The following EFHC1 variants were observed in gnomAD, a reference collection of about 807,000 sequenced individuals.
The protein encoded by EFHC1 is EF-hand domain-containing protein 1.
Under a neutral mutation model 69.9 loss-of-function variants are expected in EFHC1, and 53 were observed. That is an observed-to-expected ratio of 0.76 (90% CI 0.61 to 0.95). The LOEUF (loss-of-function observed/expected upper bound fraction) is 0.95, where lower values mean the gene tolerates loss of function less well. Among genes scored for constraint, EFHC1 ranks in the 40% least tolerant of loss-of-function variants. EFHC1 has a pLI of 0.00. For missense variants in EFHC1, 739 were observed against 798.7 expected (o/e 0.93, Z 0.90); for synonymous variants, 256 against 278.4 (o/e 0.92, Z 0.80).
At chr6:52,477,230 T>C (rs1765563402) in intron 7 of EFHC1, among the ~76,000 whole-genome samples, 1 of 152,114 alleles carries the variant, frequency 6.6e-6, no homozygotes, top group African/African-American at 2.4e-5. Flanking sequence ...ATTGTAGTTG[T>C]TTAACATTTA....
In EFHC1 at chr6:52,492,546, A is replaced by G. The variant is rs1765930609; in HGVS notation, c.*205A>G. On this transcript the variant is annotated 3_prime_UTR_variant, in exon 11 of 11. Transcript: ENST00000371068. ...TTATTTAGGGTGATAGGGGTATAGC[A>G]ATGTCTAATTTTGTGTGTCAAATTG... The G allele has an allele frequency of 8.8e-6, 6 of 684,878 alleles. No individual in the cohort carries two copies. The East Asian group carries it at 1.7e-4, about 19-fold the overall frequency. 42.4% of individuals were successfully genotyped at this position (684,878 alleles called of 1,614,324 possible).
In EFHC1 at chr6:52,495,543, A is replaced by G. The variant is rs1382346874; in HGVS notation, c.*3202A>G. On this transcript the variant is annotated 3_prime_UTR_variant, in exon 11 of 11. Transcript: ENST00000371068. ...CTCAGCCAAAATGGAGATTTAGGAA[A>G]GTCTCATTTAGCATCCTCTAGCCTG... 6.6e-6 allele frequency: 3 copies of G among 454,064 alleles called. No individual in the cohort carries two copies. Among genetic ancestry groups the G allele is most frequent in the Non-Finnish European group, 8.8e-6 (2 of 226,772 alleles). The allele number at this position is 454,064 out of a possible 1,614,324, so 28.1% of individuals were successfully genotyped here. A position where few individuals can be genotyped will look rare whatever the true frequency, so the allele number is the denominator to read the frequency against.
At chr6:52,480,165 C>T in intron 9 of EFHC1, 2 of 408,580 alleles carry the variant, frequency 4.9e-6, no homozygotes, top group South Asian at 6.4e-5. Context: ...GTATTGCATC[C>T]TGTATTCTTA....
In EFHC1 at chr6:52,479,093, T is replaced by C. The variant is rs767652099; in HGVS notation, c.1335T>C (p.Ala445=). ...GATTTGTCTTCTCTTACTTTCTAGC[T>C]ACCGACATGATCAGTATCTTTGAGC... is the stretch of plus-strand genomic sequence containing the variant. ...DRRFVFSYFL[A]TDMISIFEPP... is the part of the protein sequence containing the mutation. Residue 445 remains alanine (A), a synonymous_variant, in exon 8 of 11, where the codon GCT becomes GCC. Coordinates refer to ENST00000371068, the MANE Select transcript of EFHC1 (RefSeq NM_018100.4). The C allele has an allele frequency of 8.7e-6, 14 of 1,614,092 alleles. No individual in the cohort carries two copies. The African/African-American group carries it at 1.5e-4, about 17-fold the overall frequency.
chr6:52,431,632 TC>T (rs1764416082), intron 2 of EFHC1, among the ~76,000 whole-genome samples: 1 of 152,182 alleles, frequency 6.6e-6, no homozygotes, highest in African/African-American at 2.4e-5. Context: ...ATATGGTCTG[TC>T]TTGGAGAAAG....
intron 3 of EFHC1, among the ~76,000 whole-genome samples, chr6:52,451,011 G>GC (rs1328202098): frequency 1.3e-5 from 2 of 152,082 alleles, no homozygotes; most frequent in Non-Finnish European, 2.9e-5. Flanking sequence ...TGTTGGCCAG[G>GC]CTGGTCCTAA....
intron 3 of EFHC1, among the ~76,000 whole-genome samples, chr6:52,450,041 C>T (rs1422458996): frequency 1.3e-5 from 2 of 152,142 alleles, no homozygotes; most frequent in Admixed American, 1.3e-4. Flanking sequence ...TTCTTGATTT[C>T]TGCCTTAATT....
rs1368783528 is a variant in EFHC1, at chr6:52,494,501, T to A, written c.*2160T>A. 2 of 454,118 alleles carry A rather than the reference T, an allele frequency of 4.4e-6. No individual in the cohort carries two copies. The highest frequency in any genetic ancestry group is 3.1e-5 in the South Asian group (2 of 64,476). The allele number at this position is 454,118 out of a possible 1,614,324, so 28.1% of individuals were successfully genotyped here. A position where few individuals can be genotyped will look rare whatever the true frequency, so the allele number is the denominator to read the frequency against. On this transcript the variant is annotated 3_prime_UTR_variant, in exon 11 of 11. Coordinates refer to ENST00000371068, the MANE Select transcript of EFHC1 (RefSeq NM_018100.4). ...CCAGAGAAAAAGGGCAAAGTCTTAT[T>A]TCTGTGGCTAGTAATGTCGTAATGT...
intron 6 of EFHC1, among the ~76,000 whole-genome samples, chr6:52,467,737 T>C (rs940429533): frequency 2.0e-5 from 3 of 152,346 alleles, no homozygotes; most frequent in Admixed American, 6.5e-5. Flanking sequence ...TTAATTATAG[T>C]GTTTGGTCAG....
Position 52,463,265 on chromosome 6 carries a change from GC to G in EFHC1, c.917-1627del, listed in dbSNP as rs1243661609. On this transcript the variant is annotated intron_variant, in intron 5 of 10. Transcript: ENST00000371068. ...GTGTTAGCCAGCGTGGTTTTGATCC[GC>G]CCACCTCGGCCTCCCAAAGTGCTGA... Among the ~76,000 whole-genome samples, 3 of 148,744 alleles carry G rather than the reference GC, an allele frequency of 2.0e-5. No individual in the cohort carries two copies. The Admixed American group carries it at 2.0e-4, about 10-fold the overall frequency.
chr6:52,474,087 C>T (rs185305278), intron 7 of EFHC1, among the ~76,000 whole-genome samples: 11 of 152,172 alleles, frequency 7.2e-5, no homozygotes, highest in Middle Eastern at 3.4e-3. Context: ...CTTTGGGAGG[C>T]GGAGGCAGGA....
chr6:52,469,231 T>A, intron 6 of EFHC1, 102 bp from the exon 7 acceptor site: 1 of 1,399,148 alleles, frequency 7.1e-7, no homozygotes, highest in Non-Finnish European at 9.9e-7. Flanking sequence ...TATATTTGCA[T>A]AAGTATTTTC....
At position 52,484,048 on chromosome 6, in the gene EFHC1, T is replaced by A. The variant is rs945134543; in HGVS notation, c.1640+4261T>A. 2.0e-5 allele frequency: 3 copies of A among 152,214 alleles called. 1 individual carries two copies. Among genetic ancestry groups the A allele is most frequent in the Admixed American group, 2.0e-4 (3 of 15,278 alleles). The allele number at this position is 152,214 out of a possible 1,614,324, so 9.4% of individuals were successfully genotyped here. ...TTTTATTTTGTTTTTGCTTTTGTTT[T>A]TACATAGAATAAATAGCATGTTTGT... On this transcript the variant is annotated intron_variant, in intron 9 of 10. Transcript: ENST00000371068.
chr6:52,472,658 CTTTTACATACAAGAGATATG>C, intron 7 of EFHC1, among the ~76,000 whole-genome samples: 1 of 132,538 alleles, frequency 7.5e-6, no homozygotes, highest in Admixed American at 7.9e-5. Flanking sequence ...TATGTAATAT[CTTTTACATACAAGAGATATG>C]TAATATCTTT....
intron 4 of EFHC1, chr6:52,453,850 T>C: frequency 7.4e-7 from 1 of 1,346,504 alleles, no homozygotes; most frequent in Non-Finnish European, 9.7e-7. Context: ...AAGTGAGCTC[T>C]TCTTTTTTGG....
intron 1 of EFHC1, among the ~76,000 whole-genome samples, chr6:52,422,393 T>A (rs868092194): frequency 6.6e-5 from 10 of 152,326 alleles, no homozygotes; most frequent in Non-Finnish European, 1.0e-4. Flanking sequence ...ACTATATACC[T>A]GGAGCAGTCC....
intron 2 of EFHC1, 81 bp from the exon 3 acceptor site, chr6:52,438,223 T>G (rs1205045771): frequency 7.2e-7 from 1 of 1,389,112 alleles, no homozygotes; most frequent in South Asian, 1.2e-5. Context: ...GTGGTTCTGT[T>G]TTCAGGAAGG....
chr6:52,469,329 C>G lies in EFHC1; in HGVS notation c.1138-4C>G, dbSNP rs777292013. ...CTTACTTCTTGCTTCCTATGTATCT[C>G]CAGGAGTTGCCTCCTTATAACGGTT... On this transcript the variant is annotated splice_polypyrimidine_tract_variant and splice_region_variant and intron_variant, in intron 6 of 10. Transcript: ENST00000371068. 6.2e-7 allele frequency: 1 copy of G among 1,613,944 alleles called. No homozygotes were observed. Among genetic ancestry groups the G allele is most frequent in the Non-Finnish European group, 8.5e-7 (1 of 1,179,912 alleles).
chr6:52,469,161 A>G, intron 6 of EFHC1, 172 bp from the exon 7 acceptor site: 1 of 803,102 alleles, frequency 1.2e-6, no homozygotes, highest in Non-Finnish European at 1.9e-6. Flanking sequence ...TGCAAAATCC[A>G]CAGAGGAAGG....
Sources: gnomAD v4.1 joint callset for allele counts (sites outside exome capture counted in the v4.1 genomes callset) on GRCh38, gnomAD v4.1.1 for gene constraint, MANE v1.5 for transcripts, NCBI Gene and HGNC (gene_info 2026-07-23, HGNC 2026-07-21) for gene names.